Variants in RTL4 observed in about 807,000 individuals in gnomAD.
The protein encoded by RTL4 is retrotransposon Gag-like protein 4.
In RTL4, 4 loss-of-function variants were observed where a neutral mutation model predicts 5.3. That is an observed-to-expected ratio of 0.75 (90% CI 0.37 to 1.72). The LOEUF (loss-of-function observed/expected upper bound fraction) is 1.72, where lower values mean the gene tolerates loss of function less well. RTL4 is among the 40% of genes most tolerant of loss of function. The pLI is 0.04. For synonymous variants in RTL4, 98 were observed against 87.3 expected (o/e 1.12, Z -0.68); for missense variants, 260 against 227.1 (o/e 1.14, Z -0.93).
the RTL4 span, among the ~76,000 whole-genome samples, chrX:112,441,083 C>A: frequency 1.8e-5 from 2 of 111,478 alleles, no homozygotes; most frequent in Non-Finnish European, 3.8e-5. Flanking sequence ...AACATTTGAG[C>A]ACATGCAACC....
chrX:112,324,952 T>C, the RTL4 span, among the ~76,000 whole-genome samples: 1 of 111,387 alleles, frequency 9.0e-6, no homozygotes, highest in South Asian at 3.7e-4. Flanking sequence ...AAATAGGGTA[T>C]TAAGGATACA....
At chrX:112,185,297 G>A in the RTL4 span, among the ~76,000 whole-genome samples, 2 of 106,561 alleles carry the variant, frequency 1.9e-5, no homozygotes, top group Admixed American at 1.0e-4. Context: ...TCAGGAGAAG[G>A]GAAGGGCTCC....
the RTL4 span, among the ~76,000 whole-genome samples, chrX:112,352,544 G>A: frequency 9.0e-6 from 1 of 110,984 alleles, no homozygotes; most frequent in African/African-American, 3.3e-5. Flanking sequence ...ACAACCATCT[G>A]ATCTTTGACA....
chrX:112,310,567 AT>A, the RTL4 span, among the ~76,000 whole-genome samples: 1 of 11,450 alleles, frequency 8.7e-5, no homozygotes, highest in Non-Finnish European at 1.3e-4. Flanking sequence ...TATTATATAT[AT>A]TTATATATAA....
At chrX:112,184,360 T>A in the RTL4 span, among the ~76,000 whole-genome samples, 1 of 111,263 alleles carries the variant, frequency 9.0e-6, no homozygotes, top group Non-Finnish European at 1.9e-5. Flanking sequence ...ATAAAAAAAA[T>A]TAAAATTAAA....
chrX:112,435,815 A>G, the RTL4 span, among the ~76,000 whole-genome samples: 11 of 112,589 alleles, frequency 9.8e-5, no homozygotes, highest in Non-Finnish European at 2.1e-4. Context: ...TCATTAGGTT[A>G]TTAAATCCAT....
the RTL4 span, chrX:112,381,764 C>T: frequency 1.7e-6 from 2 of 1,202,063 alleles, no homozygotes; most frequent in African/African-American, 3.5e-5. Flanking sequence ...ACAGACATTA[C>T]AGGAGGAGAC....
the RTL4 span, among the ~76,000 whole-genome samples, chrX:112,213,614 T>C: frequency 1.8e-5 from 2 of 112,249 alleles, no homozygotes; most frequent in South Asian, 7.3e-4. Flanking sequence ...GATTTCACCA[T>C]TTTTAAAATT....
chrX:112,121,427 T>A, the RTL4 span, among the ~76,000 whole-genome samples: 1 of 112,043 alleles, frequency 8.9e-6, no homozygotes, highest in Non-Finnish European at 1.9e-5. Flanking sequence ...TTATGAAAGA[T>A]AACTAAATAA....
chrX:112,187,893 T>C, the RTL4 span, among the ~76,000 whole-genome samples: 1 of 111,829 alleles, frequency 8.9e-6, no homozygotes, highest in African/African-American at 3.3e-5. Context: ...TTTCTGAGCA[T>C]TTAATATCAA....
At chrX:112,207,796 C>T in the RTL4 span, among the ~76,000 whole-genome samples, 4 of 110,633 alleles carry the variant, frequency 3.6e-5, no homozygotes, top group Admixed American at 3.9e-4. Context: ...CTAAGACTCA[C>T]CATGGAATCC....
the RTL4 span, among the ~76,000 whole-genome samples, chrX:112,186,842 C>T: frequency 2.7e-5 from 3 of 112,135 alleles, no homozygotes; most frequent in African/African-American, 9.7e-5. Flanking sequence ...TACCTTTCTG[C>T]ATTCTTCTTT....
At chrX:112,313,897 C>T in the RTL4 span, among the ~76,000 whole-genome samples, 1 of 110,710 alleles carries the variant, frequency 9.0e-6, no homozygotes, top group African/African-American at 3.3e-5. Flanking sequence ...TGAGTATTCT[C>T]AGCATGGAAT....
chrX:112,345,242 G>A, the RTL4 span, among the ~76,000 whole-genome samples: 11 of 111,186 alleles, frequency 9.9e-5, no homozygotes, highest in African/African-American at 3.6e-4. Context: ...CTCTCAATCA[G>A]CAAGGAGAGC....
the RTL4 span, among the ~76,000 whole-genome samples, chrX:112,250,567 T>A: frequency 8.9e-6 from 1 of 112,037 alleles, no homozygotes; most frequent in Non-Finnish European, 1.9e-5. Flanking sequence ...GTGAACAGTG[T>A]CCAGGATAGC....
the RTL4 span, among the ~76,000 whole-genome samples, chrX:112,329,483 C>A: frequency 5.4e-5 from 6 of 110,981 alleles, no homozygotes; most frequent in Non-Finnish European, 9.5e-5. Flanking sequence ...TCTGAATAGA[C>A]CAATAACAGG....
chrX:112,187,325 G>C, the RTL4 span, among the ~76,000 whole-genome samples: 1 of 111,914 alleles, frequency 8.9e-6, no homozygotes, highest in African/African-American at 3.2e-5. Flanking sequence ...AGTTCTCAAA[G>C]GGATGTCCTG....
chrX:112,235,853 G>A, the RTL4 span, among the ~76,000 whole-genome samples: 1 of 111,399 alleles, frequency 9.0e-6, no homozygotes, highest in Non-Finnish European at 1.9e-5. Context: ...AGTATCATGA[G>A]TATATTGGGA....
chrX:112,387,879 T>A, the RTL4 span, among the ~76,000 whole-genome samples: 4 of 112,134 alleles, frequency 3.6e-5, no homozygotes, highest in African/African-American at 9.7e-5. Flanking sequence ...GCTCTTTTTG[T>A]TTATGATTGC....
Sources: allele counts gnomAD v4.1 joint callset (sites outside exome capture counted in the v4.1 genomes callset), GRCh38; gene constraint gnomAD v4.1.1; transcripts MANE v1.5; gene names NCBI Gene and HGNC (gene_info 2026-07-23, HGNC 2026-07-21).